MARCHF1: variants seen among roughly 807,000 people sequenced by gnomAD.
MARCHF1 encodes membrane associated ring-CH-type finger 1.
In MARCHF1, 40 loss-of-function variants were observed where a neutral mutation model predicts 54.2. The observed-to-expected ratio is 0.74, with a 90% confidence interval of 0.57 to 0.96. The LOEUF is 0.96. Ranked by LOEUF, MARCHF1 falls within the 40% of genes least tolerant of loss-of-function variation. The probability of loss-of-function intolerance (pLI) is 0.00; values close to 1 mark genes in which losing one functional copy is unlikely to be tolerated. For synonymous variants in MARCHF1, 236 were observed against 236.3 expected (o/e 1.00, Z 0.01); for missense variants, 586 against 656.5 (o/e 0.89, Z 1.17).
At chr4:164,029,574 T>TAC (rs1378206786) in intron 2 of MARCHF1, among the ~76,000 whole-genome samples, 1 of 151,386 alleles carries the variant, frequency 6.6e-6, no homozygotes, top group African/African-American at 2.4e-5. Context: ...TTGACATATA[T>TAC]ATATATGTCA....
Position 164,329,426 on chromosome 4 carries a change from G to A in MARCHF1, c.-323+54444C>T, listed in dbSNP as rs1304102375. Among the ~76,000 whole-genome samples the A allele has an allele frequency of 2.0e-5, 3 of 151,892 alleles. No individual in the cohort carries two copies. In the South Asian group the frequency reaches 6.2e-4, roughly 32 times the overall value. Reference sequence around the variant, plus strand: ...GGAAGAAAGAAAAAGGAGAAAGAATGAATAAATGAAAAGACGGAAAAAAAA... The same window carrying A: ...GGAAGAAAGAAAAAGGAGAAAGAATAAATAAATGAAAAGACGGAAAAAAAA... On this transcript the variant is annotated intron_variant, in intron 1 of 9. Transcript: ENST00000514618.
At chr4:164,344,317 TC>T (rs938102196) in intron 1 of MARCHF1, among the ~76,000 whole-genome samples, 1 of 152,114 alleles carries the variant, frequency 6.6e-6, no homozygotes, top group African/African-American at 2.4e-5. Context: ...TACACTAAAC[TC>T]CTTTGACACA....
intron 1 of MARCHF1, among the ~76,000 whole-genome samples, chr4:164,295,569 A>C (rs1391800962): frequency 4.6e-5 from 7 of 152,190 alleles, no homozygotes; most frequent in Admixed American, 4.6e-4. Context: ...GAACTGAAGT[A>C]AGTTTAATGT....
chr4:163,600,983 G>A (rs1740944230), intron 7 of MARCHF1, among the ~76,000 whole-genome samples: 1 of 152,184 alleles, frequency 6.6e-6, no homozygotes, highest in Non-Finnish European at 1.5e-5. Flanking sequence ...ACAGAAGTGG[G>A]AAGGAAGATA....
intron 2 of MARCHF1, among the ~76,000 whole-genome samples, chr4:164,024,880 G>A (rs1246014569): frequency 6.6e-6 from 1 of 151,874 alleles, no homozygotes; most frequent in Non-Finnish European, 1.5e-5. Flanking sequence ...CAAAGTAAAG[G>A]GATATAGAAA....
At chr4:163,865,905 T>G (rs1001248633) in intron 3 of MARCHF1, among the ~76,000 whole-genome samples, 1 of 151,698 alleles carries the variant, frequency 6.6e-6, no homozygotes, top group African/African-American at 2.4e-5. Flanking sequence ...TCATCTACAA[T>G]TTTTCCTTCT....
At chr4:164,013,282 T>G (rs879143180) in intron 2 of MARCHF1, among the ~76,000 whole-genome samples, 1 of 152,042 alleles carries the variant, frequency 6.6e-6, no homozygotes, top group Non-Finnish European at 1.5e-5. Flanking sequence ...GTTGCTCAAC[T>G]GCAGCACTGA....
At chr4:164,264,155 C>G (rs9685312) in intron 1 of MARCHF1, among the ~76,000 whole-genome samples, 11 of 152,124 alleles carry the variant, frequency 7.2e-5, no homozygotes, top group Admixed American at 2.6e-4. Context: ...TGGAATACTA[C>G]GCCGCCATTA....
At chr4:163,677,948 G>A (rs777719960) in intron 5 of MARCHF1, among the ~76,000 whole-genome samples, 11 of 152,184 alleles carry the variant, frequency 7.2e-5, no homozygotes, top group Admixed American at 7.2e-4. Context: ...ACTTAGCAAG[G>A]TTGGAAGGAT....
chr4:164,056,164 T>C (rs1039500768), intron 2 of MARCHF1, among the ~76,000 whole-genome samples: 2 of 152,196 alleles, frequency 1.3e-5, no homozygotes, highest in Non-Finnish European at 2.9e-5. Flanking sequence ...TGGCTCTGTG[T>C]GCTCTGTCTC....
chr4:163,979,388 A>G (rs1177606052), intron 3 of MARCHF1, among the ~76,000 whole-genome samples: 2 of 148,386 alleles, frequency 1.3e-5, no homozygotes, highest in Non-Finnish European at 3.0e-5. Flanking sequence ...TCCATGGTGT[A>G]TATGTGCCAC....
intron 5 of MARCHF1, among the ~76,000 whole-genome samples, chr4:163,641,888 G>A (rs1353909303): frequency 6.6e-6 from 1 of 152,032 alleles, no homozygotes; most frequent in Non-Finnish European, 1.5e-5. Context: ...TGTTTTGATG[G>A]GCACTGGGTG....
rs190643914 is a variant in MARCHF1, at chr4:163,646,005, T to C, written c.163-32612A>G. Reference sequence around the variant, plus strand: ...AAACTTTCTAAATCTTGGAGGAATATGTAAATCCAGATTCCTAAGCTCAAA... The same window carrying C: ...AAACTTTCTAAATCTTGGAGGAATACGTAAATCCAGATTCCTAAGCTCAAA... On this transcript the variant is annotated intron_variant, in intron 5 of 9. Transcript: ENST00000514618. 4.9e-3 allele frequency among the ~76,000 whole-genome samples: 744 copies of C among 152,250 alleles called. 2 individuals are homozygous for C. Among genetic ancestry groups the C allele is most frequent in the Non-Finnish European group, 8.4e-3 (574 of 68,020 alleles).
intron 8 of MARCHF1, among the ~76,000 whole-genome samples, chr4:163,548,260 G>A (rs994875071): frequency 2.6e-5 from 4 of 152,174 alleles, no homozygotes; most frequent in Non-Finnish European, 4.4e-5. Flanking sequence ...AAGCTGGTAT[G>A]GAAAAACAGC....
intron 4 of MARCHF1, among the ~76,000 whole-genome samples, chr4:163,831,461 T>A (rs1345071377): frequency 6.6e-6 from 1 of 151,908 alleles, no homozygotes; most frequent in African/African-American, 2.4e-5. Flanking sequence ...CACGATGGTA[T>A]GTGCCTGTAG....
intron 2 of MARCHF1, among the ~76,000 whole-genome samples, chr4:164,059,653 A>T (rs939341047): frequency 1.3e-5 from 2 of 152,332 alleles, no homozygotes; most frequent in Non-Finnish European, 2.9e-5. Flanking sequence ...ATGCTTTCCA[A>T]ATAAAAATTA....
chr4:163,679,893 C>T (rs1420119471), intron 5 of MARCHF1, among the ~76,000 whole-genome samples: 1 of 152,058 alleles, frequency 6.6e-6, no homozygotes, highest in East Asian at 1.9e-4. Context: ...AGCCACCGCG[C>T]CCGGCCTTTA....
chr4:163,698,203 C>A (rs1307503672), intron 5 of MARCHF1, among the ~76,000 whole-genome samples: 1 of 152,104 alleles, frequency 6.6e-6, no homozygotes, highest in Non-Finnish European at 1.5e-5. Context: ...TCAACATAAG[C>A]AGTTATTTTG....
chr4:164,122,809 A>G (rs1036734083), intron 1 of MARCHF1, among the ~76,000 whole-genome samples: 8 of 152,030 alleles, frequency 5.3e-5, no homozygotes, highest in African/African-American at 1.4e-4. Context: ...TCTTCAACAG[A>G]CCTACAGCAA....
Sources: allele counts gnomAD v4.1 joint callset (sites outside exome capture counted in the v4.1 genomes callset), GRCh38; gene constraint gnomAD v4.1.1; transcripts MANE v1.5; gene names NCBI Gene and HGNC (gene_info 2026-07-23, HGNC 2026-07-21).